The following RGS6 variants were observed in gnomAD, a reference collection of about 807,000 sequenced individuals.
The protein encoded by RGS6 is regulator of G-protein signaling 6.
Under a neutral mutation model 78.5 loss-of-function variants are expected in RGS6, and 30 were observed. The ratio of observed to expected loss-of-function variants is 0.38; its 90% CI spans 0.29 to 0.52. RGS6 has a LOEUF of 0.52. RGS6 is among the 20% of genes least tolerant of loss of function. The pLI is 0.85. For synonymous variants in RGS6, 206 were observed against 206.0 expected (o/e 1.00, Z 0.00); for missense variants, 495 against 609.7 (o/e 0.81, Z 1.98).
chr14:72,330,784 A>C (rs2074839627), intron 2 of RGS6, among the ~76,000 whole-genome samples: 2 of 152,146 alleles, frequency 1.3e-5, no homozygotes, highest in Admixed American at 1.3e-4. Context: ...TCATTATCGT[A>C]ACACTGGGAT....
chr14:72,424,143 C>T (rs2094332602), intron 3 of RGS6, among the ~76,000 whole-genome samples: 2 of 152,166 alleles, frequency 1.3e-5, no homozygotes, highest in South Asian at 4.1e-4. Context: ...CTGGTAGGGC[C>T]TGGAGCTCTG....
the RGS6 span, among the ~76,000 whole-genome samples, chr14:72,576,438 A>G: frequency 5.9e-5 from 9 of 152,360 alleles, no homozygotes; most frequent in Non-Finnish European, 1.3e-4. Flanking sequence ...TTCCAACACA[A>G]TGATGTCATT....
Position 72,314,260 on chromosome 14 carries a change from C to T in RGS6, c.85-37835C>T, listed in dbSNP as rs556631956. On this transcript the variant is annotated intron_variant, in intron 2 of 17. Transcript: ENST00000553525. ...CCACCGCCTCAGGGGTTAGACAGCT[C>T]ACTGACATCCTGGCTCCTGTCTGCT... is the stretch of plus-strand genomic sequence containing the variant. 3.9e-5 allele frequency among the ~76,000 whole-genome samples: 6 copies of T among 152,292 alleles called. No homozygotes were observed. In the East Asian group the frequency reaches 7.7e-4, roughly 20 times the overall value.
At chr14:71,943,089 T>G (rs572375312) in intron 1 of RGS6, among the ~76,000 whole-genome samples, 4 of 152,276 alleles carry the variant, frequency 2.6e-5, no homozygotes, top group Admixed American at 2.0e-4. Flanking sequence ...CCTGCATGAA[T>G]GAGAGCTGGT....
In RGS6 at chr14:72,261,738, G is replaced by T. The variant is rs980173013; in HGVS notation, c.85-90357G>T. Among the ~76,000 whole-genome samples the T allele has an allele frequency of 7.2e-5, 11 of 152,032 alleles. No individual in the cohort carries two copies. In the East Asian group the frequency reaches 1.2e-3, roughly 16 times the overall value. On this transcript the variant is annotated intron_variant, in intron 2 of 17. Transcript: ENST00000553525. ...TCTTCTGTGTATTATAACCATTTTT[G>T]GGGGGGTTTGGTGCTTCTTGTTCAA...
intron 2 of RGS6, among the ~76,000 whole-genome samples, chr14:72,270,074 A>G (rs1595078315): frequency 6.6e-6 from 1 of 152,240 alleles, no homozygotes; most frequent in Non-Finnish European, 1.5e-5. Flanking sequence ...CTGTGCACAG[A>G]GAACCATTTG....
At chr14:72,567,746 A>G (rs554604219), downstream of RGS6, among the ~76,000 whole-genome samples, 40 of 152,314 alleles carry the variant, frequency 2.6e-4, 1 homozygote, top group Admixed American at 2.2e-3. Flanking sequence ...GGCAACCTCC[A>G]AACCCAAGTA....
chr14:72,221,354 T>C (rs1344410701), intron 2 of RGS6, among the ~76,000 whole-genome samples: 9 of 152,186 alleles, frequency 5.9e-5, no homozygotes, highest in Non-Finnish European at 1.5e-5. Flanking sequence ...AGCTTCCTAA[T>C]ATCTAGGGGT....
the RGS6 span, among the ~76,000 whole-genome samples, chr14:71,893,834 G>A: frequency 6.6e-6 from 1 of 152,142 alleles, no homozygotes; most frequent in African/African-American, 2.4e-5. Flanking sequence ...CAATTTGTGC[G>A]CAGTTGGCTG....
chr14:72,361,181 A>G (rs916539541), intron 3 of RGS6, among the ~76,000 whole-genome samples: 1 of 142,096 alleles, frequency 7.0e-6, no homozygotes. Context: ...AGGATGATTA[A>G]TATTTTTGAA....
intron 3 of RGS6, among the ~76,000 whole-genome samples, chr14:72,401,216 T>C (rs893772633): frequency 1.3e-5 from 2 of 152,196 alleles, no homozygotes; most frequent in South Asian, 2.1e-4. Flanking sequence ...ATAATGTGTT[T>C]CCTGGAGTAG....
intron 3 of RGS6, among the ~76,000 whole-genome samples, chr14:72,373,935 TAA>T (rs959025227): frequency 1.3e-4 from 20 of 152,124 alleles, no homozygotes; most frequent in Non-Finnish European, 2.6e-4. Flanking sequence ...AGTCTTTTTT[TAA>T]AAGACTACAG....
chr14:72,468,997 C>T (rs1188437641), intron 7 of RGS6, among the ~76,000 whole-genome samples: 2 of 152,058 alleles, frequency 1.3e-5, no homozygotes, highest in African/African-American at 4.8e-5. Flanking sequence ...ATATGGGCTC[C>T]GGCCTTGCAT....
chr14:71,937,903 G>A (rs1245511607), intron 1 of RGS6, among the ~76,000 whole-genome samples: 1 of 152,198 alleles, frequency 6.6e-6, no homozygotes, highest in Non-Finnish European at 1.5e-5. Flanking sequence ...CATATGGAGG[G>A]GTCAGTGTTG....
At chr14:71,934,854 G>A (rs916284563) in intron 1 of RGS6, among the ~76,000 whole-genome samples, 1 of 152,100 alleles carries the variant, frequency 6.6e-6, no homozygotes, top group African/African-American at 2.4e-5. Flanking sequence ...CTAAGACTTT[G>A]CCAGGAATTG....
chr14:72,091,684 G>T (rs1347460229), intron 2 of RGS6, among the ~76,000 whole-genome samples: 3 of 152,136 alleles, frequency 2.0e-5, no homozygotes, highest in African/African-American at 7.2e-5. Flanking sequence ...TAAGCAGAAC[G>T]GAGAAGCTGC....
chr14:72,493,299 TA>T (rs2096602517), intron 12 of RGS6, among the ~76,000 whole-genome samples: 1 of 152,180 alleles, frequency 6.6e-6, no homozygotes, highest in Non-Finnish European at 1.5e-5. Flanking sequence ...ATAGAACTCA[TA>T]TTATCTGAGA....
At chr14:72,474,507 A>T (rs1279084811) in intron 9 of RGS6, 118 bp from the exon 10 acceptor site, 4 of 921,892 alleles carry the variant, frequency 4.3e-6, no homozygotes, top group Middle Eastern at 2.4e-4. Flanking sequence ...TGGAAAAAAA[A>T]ATCATGCATT....
Position 72,077,631 on chromosome 14 carries a change from C to CT in RGS6, c.84+112764dup, listed in dbSNP as rs909549870. Among the ~76,000 whole-genome samples the CT allele has an allele frequency of 1.4e-4, 22 of 152,018 alleles. No homozygotes were observed. The East Asian group carries it at 2.9e-3, about 20-fold the overall frequency. ...AATTCTGTTTCTTTAATCTGCCTGT[C>CT]TTTTTTTTGTGCCTGTTCCTTACTG... On this transcript the variant is annotated intron_variant, in intron 2 of 17. Coordinates refer to ENST00000553525, the MANE Select transcript of RGS6 (RefSeq NM_001204424.2).
Sources: gnomAD v4.1 joint callset for allele counts (sites outside exome capture counted in the v4.1 genomes callset) on GRCh38, gnomAD v4.1.1 for gene constraint, MANE v1.5 for transcripts, NCBI Gene and HGNC (gene_info 2026-07-23, HGNC 2026-07-21) for gene names.